Variants in GLIS3 observed in about 807,000 individuals in gnomAD.
The protein encoded by GLIS3 is GLIS family zinc finger 3.
In GLIS3, 53 loss-of-function variants were observed where a neutral mutation model predicts 78.6. That is an observed-to-expected ratio of 0.67 (90% CI 0.54 to 0.85). The LOEUF is 0.85. Ranked by LOEUF, GLIS3 falls within the 40% of genes least tolerant of loss-of-function variation. GLIS3 has a pLI of 0.00. For synonymous variants in GLIS3, 684 were observed against 509.9 expected (o/e 1.34, Z -4.60); for missense variants, 1,703 against 1,231.1 (o/e 1.38, Z -5.74).
chr9:4,122,796 T>C (rs2130901261), intron 3 of GLIS3, among the ~76,000 whole-genome samples: 1 of 152,358 alleles, frequency 6.6e-6, no homozygotes, highest in East Asian at 1.9e-4. Context: ...TCTATGAAAC[T>C]GCTGTATGAT....
intron 4 of GLIS3, among the ~76,000 whole-genome samples, chr9:3,991,743 T>C (rs1272827039): frequency 7.3e-6 from 1 of 137,584 alleles, no homozygotes; most frequent in South Asian, 2.4e-4. Context: ...CAGGCTGGAG[T>C]GCAGTGGTGG....
At chr9:4,205,917 AG>A (rs1819833244) in intron 2 of GLIS3, among the ~76,000 whole-genome samples, 1 of 152,226 alleles carries the variant, frequency 6.6e-6, no homozygotes, top group Admixed American at 6.5e-5. Flanking sequence ...CTGCACTCAA[AG>A]GATCAGGTGT....
intron 4 of GLIS3, among the ~76,000 whole-genome samples, chr9:3,985,097 A>C (rs1397431398): frequency 1.0e-4 from 2 of 20,048 alleles, no homozygotes; most frequent in East Asian, 1.5e-3. Context: ...CTCAATTCAC[A>C]AAAAAAAAAA....
intron 2 of GLIS3, among the ~76,000 whole-genome samples, chr9:4,133,090 A>C (rs1311453562): frequency 6.6e-6 from 1 of 152,232 alleles, no homozygotes; most frequent in Non-Finnish European, 1.5e-5. Flanking sequence ...AGAATAGAAC[A>C]TTAGATAAAG....
chr9:3,961,447 T>C (rs139200767), intron 4 of GLIS3, among the ~76,000 whole-genome samples: 390 of 152,350 alleles, frequency 2.6e-3, no homozygotes, highest in Non-Finnish European at 3.8e-3. Context: ...AACCATCTCA[T>C]GGAAGTCAGG....
At chr9:4,242,980 C>T (rs768493065) in intron 2 of GLIS3, among the ~76,000 whole-genome samples, 1 of 152,162 alleles carries the variant, frequency 6.6e-6, no homozygotes, top group South Asian at 2.1e-4. Flanking sequence ...GCCATAAATA[C>T]AGAAAAGCTC....
rs543699873 is a variant in GLIS3 at position 4,288,241 on chromosome 9, T to A, written c.-98-1718A>T. ...GTACTTTGCCAGATAAAATTGGCCATCTATTTTCCTCTCATTGATAAAATA... is the reference window on the plus strand; with the variant it reads ...GTACTTTGCCAGATAAAATTGGCCAACTATTTTCCTCTCATTGATAAAATA... On this transcript the variant is annotated intron_variant, in intron 1 of 10. Transcript: ENST00000381971. Among the ~76,000 whole-genome samples, 61 of 152,336 alleles carry A rather than the reference T, an allele frequency of 4.0e-4. 1 individual carries two copies. The South Asian group carries it at 0.013, about 32-fold the overall frequency.
intron 2 of GLIS3, among the ~76,000 whole-genome samples, chr9:4,266,706 T>C (rs1323049201): frequency 6.6e-6 from 1 of 152,170 alleles, no homozygotes; most frequent in Non-Finnish European, 1.5e-5. Flanking sequence ...TACATAGTTA[T>C]TTTACTCCAA....
intron 4 of GLIS3, among the ~76,000 whole-genome samples, chr9:4,031,362 G>A (rs1823817239): frequency 1.3e-5 from 2 of 152,288 alleles, no homozygotes; most frequent in South Asian, 2.1e-4. Context: ...TTGAATACAT[G>A]CTAAGTGGAA....
At chr9:3,993,635 A>C (rs1442107215) in intron 4 of GLIS3, among the ~76,000 whole-genome samples, 1 of 152,178 alleles carries the variant, frequency 6.6e-6, no homozygotes, top group Non-Finnish European at 1.5e-5. Context: ...TACATATGCC[A>C]TCATAAGCAT....
At chr9:4,452,166 C>T in the GLIS3 span, among the ~76,000 whole-genome samples, 17 of 152,214 alleles carry the variant, frequency 1.1e-4, no homozygotes, top group South Asian at 8.3e-4. Context: ...ATTGATGGAA[C>T]GTATCTCAAA....
chr9:4,204,771 G>A (rs764982693), intron 2 of GLIS3, among the ~76,000 whole-genome samples: 2 of 152,140 alleles, frequency 1.3e-5, no homozygotes, highest in African/African-American at 2.4e-5. Flanking sequence ...AAAATTAGCC[G>A]GGCGTGGTGG....
chr9:4,059,208 A>G (rs765163951), intron 4 of GLIS3, among the ~76,000 whole-genome samples: 11 of 152,200 alleles, frequency 7.2e-5, no homozygotes, highest in Non-Finnish European at 1.5e-4. Context: ...ACGAGATTTC[A>G]GACATTTTTT....
chr9:4,400,550 G>A, the GLIS3 span, among the ~76,000 whole-genome samples: 2 of 152,172 alleles, frequency 1.3e-5, no homozygotes, highest in Non-Finnish European at 2.9e-5. Flanking sequence ...GTCAAAAGTT[G>A]TAAAAGACTA....
At chr9:4,374,019 A>G in the GLIS3 span, among the ~76,000 whole-genome samples, 1 of 152,182 alleles carries the variant, frequency 6.6e-6, no homozygotes, top group Non-Finnish European at 1.5e-5. Context: ...ATACATGGGC[A>G]CCTTTTTAAC....
chr9:4,090,651 T>A (rs1215144567), intron 4 of GLIS3, among the ~76,000 whole-genome samples: 2 of 152,196 alleles, frequency 1.3e-5, no homozygotes, highest in Non-Finnish European at 2.9e-5. Context: ...AGGTTTAGGC[T>A]GAAATTATGG....
At chr9:4,138,062 C>G (rs1055134868) in intron 2 of GLIS3, among the ~76,000 whole-genome samples, 1 of 152,206 alleles carries the variant, frequency 6.6e-6, no homozygotes, top group Admixed American at 6.5e-5. Context: ...ACTATATACT[C>G]TAGGGATTGT....
chr9:4,302,164 G>C (rs1651754292), upstream of GLIS3, among the ~76,000 whole-genome samples: 1 of 152,082 alleles, frequency 6.6e-6, no homozygotes, highest in South Asian at 2.1e-4. Context: ...GTGGTAATGA[G>C]AGACAGTGAG....
intron 4 of GLIS3, among the ~76,000 whole-genome samples, chr9:3,952,980 C>A (rs1254973589): frequency 1.3e-5 from 2 of 152,154 alleles, no homozygotes; most frequent in African/African-American, 4.8e-5. Flanking sequence ...TTAAAAAAAT[C>A]ATATTGTGAT....
Sources: gnomAD v4.1 joint callset for allele counts (sites outside exome capture counted in the v4.1 genomes callset) on GRCh38, gnomAD v4.1.1 for gene constraint, MANE v1.5 for transcripts, NCBI Gene and HGNC (gene_info 2026-07-23, HGNC 2026-07-21) for gene names.